BSG: variants seen among roughly 807,000 people sequenced by gnomAD.
BSG encodes the protein basigin (Ok blood group).
BSG carries 37 observed loss-of-function variants against 43.1 expected under a neutral mutation model. The observed-to-expected ratio is 0.86, with a 90% CI of 0.66 to 1.13. The LOEUF is 1.13. BSG is among the 50% of genes most tolerant of loss of function. BSG has a pLI of 0.00. For missense variants in BSG, 599 were observed against 554.2 expected (o/e 1.08, Z -0.81); for synonymous variants, 309 against 238.7 (o/e 1.29, Z -2.72).
intron 1 of BSG, among the ~76,000 whole-genome samples, chr19:576,081 G>A (rs1227002529): frequency 1.3e-5 from 2 of 152,258 alleles, no homozygotes; most frequent in South Asian, 2.1e-4. Flanking sequence ...CGGACCCAGC[G>A]GGAGCACCGG....
rs1312344213 is a variant in BSG at position 582,579 on chromosome 19, G to C, written c.*2G>C. The C allele has an allele frequency of 1.3e-6, 2 of 1,595,132 alleles. No individual in the cohort carries two copies. The highest frequency in any genetic ancestry group is 1.7e-6 in the Non-Finnish European group (2 of 1,172,696). On this transcript the variant is annotated 3_prime_UTR_variant, in exon 8 of 9. Coordinates refer to ENST00000333511, the MANE Select transcript of BSG (RefSeq NM_001728.4). ...GTCCGCCAGAGGAACTCTTCCTGAG[G>C]CAGGTGCGGTGGGCGGGAGCTCCTC... is the stretch of plus-strand genomic sequence containing the variant.
At chr19:572,416 G>C, upstream of BSG, 1 of 1,129,112 alleles carries the variant, frequency 8.9e-7, no homozygotes, top group Non-Finnish European at 1.1e-6. Context: ...GTGCGCCGCC[G>C]CCCGGATTCC....
In BSG at chr19:574,712, CCTT is replaced by C. The variant is rs144058382; in HGVS notation, c.67+2016_67+2018del. ...TTGGGCAGAGGCTGGGGAGGGGGCT[CCTT>C]CTTCCAGAGGCTTTGCCAGCTAACT... On this transcript the variant is annotated intron_variant, in intron 1 of 8. Transcript: ENST00000333511. Among the ~76,000 whole-genome samples, 33 of 152,296 alleles carry C rather than the reference CCTT, an allele frequency of 2.2e-4. No homozygotes were observed. The East Asian group carries it at 6.4e-3, about 29-fold the overall frequency.
chr19:579,346 T>G, intron 2 of BSG, 154 bp from the exon 3 acceptor site: 1 of 1,045,178 alleles, frequency 9.6e-7, no homozygotes, highest in Non-Finnish European at 1.4e-6. Flanking sequence ...AAGTTCCCCT[T>G]GGGCCTCCGG....
chr19:572,499 T>A (rs943215941), upstream of BSG: 45 of 1,198,250 alleles, frequency 3.8e-5, no homozygotes, highest in African/African-American at 2.9e-4. Context: ...GCGACCGGCG[T>A]CCCCGGCGCT....
chr19:580,661 A>C lies in BSG; in HGVS notation c.671A>C (p.Lys224Thr). 1 of 1,612,808 alleles carries C rather than the reference A, an allele frequency of 6.2e-7. No individual in the cohort carries two copies. The highest frequency in any genetic ancestry group is 1.7e-5 in the Admixed American group (1 of 60,014). ...NIQLHGPPRV[K>T]AVKSSEHINE... The stretch of plus-strand genomic sequence containing the variant: ...CTCCTGTCAGGGCCTCCCAGAGTGA[A>C]GGCTGTGAAGTCGTCAGAACACATC... Residue 224 changes from lysine to threonine, a missense_variant, in exon 5 of 9, where the codon AAG (lysine) becomes ACG (threonine). By Grantham distance (78) the Lys-to-Thr change is moderately conservative. Transcript: ENST00000333511.
Position 579,492 on chromosome 19 carries a change from C to T in BSG, c.416-8C>T, listed in dbSNP as rs757449124. ...ACTCTGCTGACCGCGTCTCGCCGGG[C>T]CTTGCAGCCGGCACAGTCTTCACTA... is the stretch of plus-strand genomic sequence containing the variant. On this transcript the variant is annotated splice_region_variant and splice_polypyrimidine_tract_variant and intron_variant, in intron 2 of 8. Transcript: ENST00000333511. 1 of 1,612,464 alleles carries T rather than the reference C, an allele frequency of 6.2e-7. No homozygotes were observed. The highest frequency in any genetic ancestry group is 8.5e-7 in the Non-Finnish European group (1 of 1,179,894).
At chr19:579,836 T>C in intron 3 of BSG, 180 bp downstream of exon 3, 1 of 955,006 alleles carries the variant, frequency 1.0e-6, no homozygotes, top group Non-Finnish European at 1.5e-6. Flanking sequence ...AGGGGCGTCC[T>C]TGTGAGGCAG....
chr19:577,661 A>G, intron 1 of BSG, 113 bp from the exon 2 acceptor site: 1 of 859,644 alleles, frequency 1.2e-6, no homozygotes, highest in Non-Finnish European at 1.6e-6. Context: ...GCTGAAAGGA[A>G]GTGGCTTCTC....
intron 1 of BSG, among the ~76,000 whole-genome samples, chr19:573,316 AG>A (rs1404480328): frequency 6.6e-6 from 1 of 152,100 alleles, no homozygotes; most frequent in Non-Finnish European, 1.5e-5. Flanking sequence ...TGTTAGGGTC[AG>A]AGACCCTCCC....
At position 578,094 on chromosome 19, in the gene BSG, GC is replaced by G; in HGVS notation, c.391del (p.Gln131ArgfsTer5). On this transcript the variant is annotated frameshift_variant, in exon 2 of 9. Transcript: ENST00000333511. LOFTEE classifies it high-confidence loss of function. Reference protein sequence around the residue: ...TRAPRVKWVRAQAVVLVLEPG... With the variant: ...TRAPRVKWVRXQAVVLVLEPG... The stretch of plus-strand genomic sequence containing the variant: ...GGCGCCCAGGGTCAAGTGGGTCCGC[GC>G]CCAGGCAGTCGTGCTAGTCCTGGAA... The G allele has an allele frequency of 6.3e-7, 1 of 1,593,498 alleles. No individual in the cohort carries two copies. Among genetic ancestry groups the G allele is most frequent in the Non-Finnish European group, 8.6e-7 (1 of 1,167,602 alleles).
intron 1 of BSG, among the ~76,000 whole-genome samples, chr19:576,948 G>C (rs551632860): frequency 7.2e-6 from 1 of 138,488 alleles, no homozygotes; most frequent in South Asian, 2.5e-4. Context: ...GTGTGTGTTT[G>C]CAGACGTGTG....
At chr19:580,546 C>T (rs895917143) in intron 4 of BSG, 85 bp downstream of exon 4, 35 of 1,604,006 alleles carry the variant, frequency 2.2e-5, no homozygotes, top group Middle Eastern at 3.3e-4. Flanking sequence ...TCCCAGAGCC[C>T]TGGCCCCCTG....
chr19:574,544 C>A (rs912789216), intron 1 of BSG, among the ~76,000 whole-genome samples: 10 of 146,210 alleles, frequency 6.8e-5, no homozygotes, highest in Non-Finnish European at 1.3e-4. Flanking sequence ...CAGAGCGAGA[C>A]CCCGTCTCAA....
rs561885264 is a variant in BSG at position 582,762 on chromosome 19, C to T, written c.*18C>T. ...TCCCTGTCCACAGGTGGCCCGAGGA[C>T]GCTCCCTGCTCCACGTCTGCGCCGC... is the stretch of plus-strand genomic sequence containing the variant. On this transcript the variant is annotated 3_prime_UTR_variant, in exon 9 of 9. Coordinates refer to ENST00000333511, the MANE Select transcript of BSG (RefSeq NM_001728.4). 1.5e-3 allele frequency: 963 copies of T among 657,926 alleles called. 3 individuals are homozygous for T. Among genetic ancestry groups the T allele is most frequent in the Middle Eastern group, 6.0e-3 (21 of 3,498 alleles). The allele number at this position is 657,926 out of a possible 1,614,324, so 40.8% of individuals were successfully genotyped here.
Position 578,661 on chromosome 19 carries a change from C to T in BSG, c.415+540C>T, listed in dbSNP as rs367579969. 7.0e-4 allele frequency among the ~76,000 whole-genome samples: 106 copies of T among 151,752 alleles called. 1 individual carries two copies. In the East Asian group the frequency reaches 0.014, roughly 20 times the overall value. ...CTGCTGGAGTGCCGTCAGCCTGGGG[C>T]TGGGGGGATGTGGGGCCACCTGAGT... On this transcript the variant is annotated intron_variant, in intron 2 of 8. Coordinates refer to ENST00000333511, the MANE Select transcript of BSG (RefSeq NM_001728.4).
chr19:580,053 G>T, intron 3 of BSG: 1 of 419,594 alleles, frequency 2.4e-6, no homozygotes. Flanking sequence ...ACTGGGGCTG[G>T]GACGGCCCTG....
chr19:582,426 G>A (rs770554128), intron 7 of BSG, 88 bp from the exon 8 acceptor site: 342 of 1,600,730 alleles, frequency 2.1e-4, no homozygotes, highest in Non-Finnish European at 2.8e-4. Context: ...TTCAGTATTC[G>A]GGGGTCCTGG....
chr19:572,339 A>C, upstream of BSG: 2 of 1,014,210 alleles, frequency 2.0e-6, no homozygotes, highest in East Asian at 7.8e-5. Context: ...GCAGGAAGGA[A>C]GAAATGCGCA....
Sources: allele counts gnomAD v4.1 joint callset (sites outside exome capture counted in the v4.1 genomes callset), GRCh38; gene constraint gnomAD v4.1.1; transcripts MANE v1.5; gene names NCBI Gene and HGNC (gene_info 2026-07-23, HGNC 2026-07-21).